AGBL4: variants seen among roughly 807,000 people sequenced by gnomAD.
AGBL4 encodes cytosolic carboxypeptidase 6.
In AGBL4, 58 loss-of-function variants were observed where a neutral mutation model predicts 66.4. The observed-to-expected ratio is 0.87, with a 90% confidence interval of 0.71 to 1.09. The LOEUF is 1.09. AGBL4 is among the 50% of genes least tolerant of loss of function. AGBL4 has a pLI of 0.00. For synonymous variants in AGBL4, 234 were observed against 222.9 expected (o/e 1.05, Z -0.44); for missense variants, 579 against 631.0 (o/e 0.92, Z 0.88).
At chr1:49,423,805 C>T (rs556287040) in intron 3 of AGBL4, among the ~76,000 whole-genome samples, 52 of 52,284 alleles carry the variant, frequency 9.9e-4, no homozygotes, top group African/African-American at 3.8e-3. Flanking sequence ...GAGTAAGACT[C>T]GGCCAAAAAA....
intron 3 of AGBL4, among the ~76,000 whole-genome samples, chr1:49,516,145 G>GCTCTAGCC (rs2148793303): frequency 6.6e-6 from 1 of 151,902 alleles, no homozygotes; most frequent in South Asian, 2.1e-4. Flanking sequence ...TTAGGAGCTA[G>GCTCTAGCC]CTCTAGCCCT....
chr1:49,118,983 G>A (rs558502739), intron 4 of AGBL4, among the ~76,000 whole-genome samples: 88 of 152,224 alleles, frequency 5.8e-4, no homozygotes, highest in East Asian at 1.2e-3. Context: ...GTTGATTTGC[G>A]TAGAGATGTT....
At chr1:48,972,623 G>T (rs898974220) in intron 5 of AGBL4, among the ~76,000 whole-genome samples, 1 of 152,104 alleles carries the variant, frequency 6.6e-6, no homozygotes, top group Admixed American at 6.6e-5. Flanking sequence ...TCTCTACTTT[G>T]AACCTCTATC....
intron 3 of AGBL4, among the ~76,000 whole-genome samples, chr1:49,383,802 T>C (rs1341071590): frequency 6.6e-6 from 1 of 151,052 alleles, no homozygotes; most frequent in East Asian, 1.9e-4. Flanking sequence ...TATATATATA[T>C]ATTTTTTTTT....
intron 9 of AGBL4, among the ~76,000 whole-genome samples, chr1:48,592,474 C>T (rs1280480860): frequency 2.0e-5 from 3 of 152,154 alleles, no homozygotes; most frequent in African/African-American, 7.2e-5. Flanking sequence ...GTAGCAAAAG[C>T]TGTCTTTTGG....
At chr1:49,498,004 G>T (rs181576862) in intron 3 of AGBL4, among the ~76,000 whole-genome samples, 1 of 151,788 alleles carries the variant, frequency 6.6e-6, no homozygotes, top group Non-Finnish European at 1.5e-5. Context: ...TTATGAACAC[G>T]GTATGTCTTA....
At chr1:49,860,856 AC>A (rs1646553600) in intron 1 of AGBL4, among the ~76,000 whole-genome samples, 1 of 152,168 alleles carries the variant, frequency 6.6e-6, no homozygotes, top group African/African-American at 2.4e-5. Flanking sequence ...TCAGATGAGC[AC>A]TGACAGTACC....
chr1:49,921,896 A>G (rs748507313), intron 1 of AGBL4, among the ~76,000 whole-genome samples: 1 of 152,102 alleles, frequency 6.6e-6, no homozygotes, highest in Non-Finnish European at 1.5e-5. Flanking sequence ...CACTGACTCA[A>G]ATATCAATAT....
At chr1:48,944,394 A>G (rs1025139142) in intron 5 of AGBL4, among the ~76,000 whole-genome samples, 1 of 152,216 alleles carries the variant, frequency 6.6e-6, no homozygotes, top group Non-Finnish European at 1.5e-5. Context: ...TATCGCAGGC[A>G]TGAGCAGGGC....
chr1:48,696,810 A>G (rs1044401019), intron 6 of AGBL4, among the ~76,000 whole-genome samples: 7 of 152,188 alleles, frequency 4.6e-5, no homozygotes, highest in African/African-American at 1.7e-4. Context: ...AGTGAAAATG[A>G]GAGGTAGTTG....
chr1:49,411,299 A>C (rs1244700783), intron 3 of AGBL4, among the ~76,000 whole-genome samples: 1 of 152,216 alleles, frequency 6.6e-6, no homozygotes, highest in African/African-American at 2.4e-5. Context: ...AGAAGACTCA[A>C]CAAGCCAGTT....
intron 9 of AGBL4, among the ~76,000 whole-genome samples, chr1:48,611,290 G>A (rs1040604863): frequency 6.6e-6 from 1 of 152,226 alleles, no homozygotes; most frequent in African/African-American, 2.4e-5. Context: ...TGACTTCCCA[G>A]GCAGGGAGTA....
At chr1:48,885,138 G>A (rs113925259) in intron 5 of AGBL4, among the ~76,000 whole-genome samples, 60 of 152,216 alleles carry the variant, frequency 3.9e-4, no homozygotes, top group African/African-American at 1.3e-3. Context: ...TCTGTTTCCT[G>A]TTTTGTTTAG....
At chr1:48,957,022 C>G (rs1020451987) in intron 5 of AGBL4, among the ~76,000 whole-genome samples, 19 of 151,922 alleles carry the variant, frequency 1.3e-4, no homozygotes, top group Admixed American at 1.1e-3. Flanking sequence ...TTCCCATATA[C>G]TTCATATTTT....
chr1:48,605,513 C>A (rs765249403), intron 9 of AGBL4, among the ~76,000 whole-genome samples: 2 of 152,200 alleles, frequency 1.3e-5, no homozygotes, highest in African/African-American at 4.8e-5. Context: ...TACGCCATGT[C>A]CTTCTTCACG....
chr1:49,276,715 T>C (rs1462997051), intron 3 of AGBL4, among the ~76,000 whole-genome samples: 2 of 152,140 alleles, frequency 1.3e-5, no homozygotes, highest in African/African-American at 4.8e-5. Context: ...TTCCCTCCCA[T>C]AGCCTGTCTT....
At chr1:49,994,809 G>GT (rs1179540678) in intron 1 of AGBL4, 2 of 305,732 alleles carry the variant, frequency 6.5e-6, no homozygotes, top group Non-Finnish European at 1.3e-5. Context: ...TTGAAAAGCT[G>GT]TAAGTGCCCA....
chr1:48,592,141 C>T (rs1644927888), intron 9 of AGBL4, among the ~76,000 whole-genome samples: 1 of 152,190 alleles, frequency 6.6e-6, no homozygotes, highest in Non-Finnish European at 1.5e-5. Flanking sequence ...GGGGAGGGGA[C>T]TTGACCAAGC....
chr1:49,948,544 AATATATAT>A (rs1468063516), intron 1 of AGBL4, among the ~76,000 whole-genome samples: 6 of 93,608 alleles, frequency 6.4e-5, no homozygotes, highest in South Asian at 7.3e-4. Context: ...TAAATATATA[AATATATAT>A]AAATATATAA....
Sources: gnomAD v4.1 joint callset for allele counts (sites outside exome capture counted in the v4.1 genomes callset) on GRCh38, gnomAD v4.1.1 for gene constraint, MANE v1.5 for transcripts, NCBI Gene and HGNC (gene_info 2026-07-23, HGNC 2026-07-21) for gene names.